RHBDL2: variants seen among roughly 807,000 people sequenced by gnomAD.
RHBDL2 encodes the protein rhomboid-related protein 2.
RHBDL2 carries 26 observed loss-of-function variants against 31.7 expected under a neutral mutation model. That is an observed-to-expected ratio of 0.82 (90% CI 0.60 to 1.14). The LOEUF is 1.14. RHBDL2 is among the 50% of genes most tolerant of loss of function. RHBDL2 has a pLI of 0.00. For missense variants in RHBDL2, 336 were observed against 364.4 expected (o/e 0.92, Z 0.63); for synonymous variants, 123 against 127.2 (o/e 0.97, Z 0.22).
chr1:38,935,939 G>T (rs961342912), intron 1 of RHBDL2, among the ~76,000 whole-genome samples: 1 of 152,038 alleles, frequency 6.6e-6, no homozygotes, highest in Non-Finnish European at 1.5e-5. Flanking sequence ...TTGAGACAGG[G>T]TCTTGCTTTG....
At chr1:38,933,341 C>A (rs1328212204) in intron 1 of RHBDL2, among the ~76,000 whole-genome samples, 2 of 152,150 alleles carry the variant, frequency 1.3e-5, no homozygotes, top group Admixed American at 1.3e-4. Context: ...GGAAGTCTCC[C>A]CTGCCCATGC....
intron 1 of RHBDL2, chr1:38,926,162 G>A: frequency 9.3e-7 from 1 of 1,078,564 alleles, no homozygotes; most frequent in Non-Finnish European, 1.1e-6. Context: ...CCAATCAGCT[G>A]CATTTGCTTA....
intron 5 of RHBDL2, among the ~76,000 whole-genome samples, chr1:38,895,559 T>A (rs1005488154): frequency 9.2e-5 from 14 of 152,188 alleles, no homozygotes; most frequent in African/African-American, 2.9e-4. Flanking sequence ...ATCCCAGCAC[T>A]TTGGGAGGCC....
chr1:38,940,829 G>A (rs993597299), intron 1 of RHBDL2, among the ~76,000 whole-genome samples: 3 of 152,138 alleles, frequency 2.0e-5, no homozygotes, highest in Admixed American at 1.3e-4. Context: ...ACAGGAGTTT[G>A]AAGTTGTAGT....
chr1:38,938,827 T>C (rs894476992), intron 1 of RHBDL2, among the ~76,000 whole-genome samples: 2 of 152,206 alleles, frequency 1.3e-5, no homozygotes, highest in Non-Finnish European at 2.9e-5. Flanking sequence ...GTCTTCTTTG[T>C]ATTATAACTG....
chr1:38,913,522 T>A (rs1643185476), intron 3 of RHBDL2: 1 of 129,650 alleles, frequency 7.7e-6, no homozygotes, highest in Admixed American at 7.5e-5. Context: ...TATTTTTAAC[T>A]TTTTTTTTTT....
Position 38,919,144 on chromosome 1 carries a change from C to T in RHBDL2, c.69G>A (p.Glu23=). The part of the protein sequence containing the change: ...NLNMGREMKE[E]LEEEEKMRED... Reference sequence around the variant, plus strand: ...CTCTCATTTTCTCCTCTTCCTCCAGCTCTTCTTTCATCTCTCTCCCCATAT... The same window carrying T: ...CTCTCATTTTCTCCTCTTCCTCCAGTTCTTCTTTCATCTCTCTCCCCATAT... Residue 23 remains glutamate, a synonymous_variant, in exon 2 of 8, where the codon GAG becomes GAA. Coordinates refer to ENST00000372990, the MANE Select transcript of RHBDL2 (RefSeq NM_017821.5). 6.2e-7 allele frequency: 1 copy of T among 1,614,148 alleles called. No individual in the cohort carries two copies. Among genetic ancestry groups the T allele is most frequent in the Non-Finnish European group, 8.5e-7 (1 of 1,180,036 alleles).
At chr1:38,933,664 T>A (rs2124354611) in intron 1 of RHBDL2, among the ~76,000 whole-genome samples, 1 of 151,222 alleles carries the variant, frequency 6.6e-6, no homozygotes, top group East Asian at 1.9e-4. Context: ...AGAAACTTCA[T>A]CCCCACCAGC....
At position 38,939,869 on chromosome 1, in the gene RHBDL2, G is replaced by A. The variant is rs34638255; in HGVS notation, c.-126+1813C>T. On this transcript the variant is annotated intron_variant, in intron 1 of 7. Transcript: ENST00000372990. ...GGACTTCTTTTTTTTTTGAGACAGG[G>A]TCTCGCTTGTTGCCCAGGCTGGCTT... 7.1e-3 allele frequency among the ~76,000 whole-genome samples: 1,082 copies of A among 152,000 alleles called. 8 individuals carry two copies. Among genetic ancestry groups the A allele is most frequent in the Non-Finnish European group, 9.5e-3 (648 of 67,972 alleles).
intron 3 of RHBDL2, among the ~76,000 whole-genome samples, chr1:38,912,910 A>ATATATGTGTG (rs1399583863): frequency 2.4e-5 from 1 of 41,390 alleles, no homozygotes; most frequent in African/African-American, 9.2e-5. Flanking sequence ...ATATATATAT[A>ATATATGTGTG]TGTGTGTGTG....
intron 4 of RHBDL2, among the ~76,000 whole-genome samples, chr1:38,906,470 C>T (rs1054978862): frequency 1.3e-5 from 2 of 151,902 alleles, no homozygotes; most frequent in African/African-American, 2.4e-5. Context: ...GTCAGGAGAT[C>T]GAGACCATCC....
chr1:38,886,643 A>T lies in RHBDL2; in HGVS notation c.773T>A (p.Met258Lys), dbSNP rs1570908309. 6.3e-7 allele frequency: 1 copy of T among 1,576,528 alleles called. No individual in the cohort carries two copies. The highest frequency in any genetic ancestry group is 1.2e-5 in the South Asian group (1 of 85,066). ...AAHIAGGFAG[M>K]SIGYTVFSCF... is the part of the protein sequence containing the mutation. ...GCTAAACACCGTGTAGCCAATGGAC[A>T]TTCCAGCAAATCCACCTGCAATGTG... is the stretch of plus-strand genomic sequence containing the variant. Residue 258 changes from methionine (M) to lysine (K), a missense_variant, in exon 8 of 8, where the codon ATG becomes AAG. Transcript: ENST00000372990.
chr1:38,935,289 C>A (rs914067777), intron 1 of RHBDL2, among the ~76,000 whole-genome samples: 1 of 152,192 alleles, frequency 6.6e-6, no homozygotes, highest in African/African-American at 2.4e-5. Flanking sequence ...AATTTGCATC[C>A]CCATGACAAC....
In RHBDL2 at chr1:38,918,982, G is replaced by A. The variant is rs1180699396; in HGVS notation, c.231C>T (p.Ser77=). The part of the protein sequence containing the change: ...NCFPPPVFII[S]ISLAELAVFI... ...CCCCATTCACCTCGGCCAGGCTGATGGAGATGATGAACACGGGAGGCGGGA... is the reference window on the plus strand; with the variant it reads ...CCCCATTCACCTCGGCCAGGCTGATAGAGATGATGAACACGGGAGGCGGGA... Residue 77 remains serine, a synonymous_variant, in exon 2 of 8, where the codon TCC becomes TCT. Coordinates refer to ENST00000372990, the MANE Select transcript of RHBDL2 (RefSeq NM_017821.5). The A allele has an allele frequency of 3.7e-6, 6 of 1,613,288 alleles. No individual in the cohort carries two copies. The African/African-American group carries it at 8.0e-5, about 22-fold the overall frequency.
At position 38,934,335 on chromosome 1, in the gene RHBDL2, A is replaced by G. The variant is rs555168035; in HGVS notation, c.-126+7347T>C. On this transcript the variant is annotated intron_variant, in intron 1 of 7. Transcript: ENST00000372990. ...TGCACTCCAGCCTGGATGACAGAGC[A>G]AGACTGTCTCAAAAATAAATAAATA... Among the ~76,000 whole-genome samples the G allele has an allele frequency of 5.0e-4, 76 of 151,270 alleles. 1 individual carries two copies. Among genetic ancestry groups the G allele is most frequent in the Middle Eastern group, 3.4e-3 (1 of 294 alleles).
chr1:38,919,854 G>T (rs1333410045), intron 1 of RHBDL2, among the ~76,000 whole-genome samples: 1 of 152,056 alleles, frequency 6.6e-6, no homozygotes, highest in South Asian at 2.1e-4. Flanking sequence ...GATTACAGGC[G>T]TGAGCCACCG....
intron 5 of RHBDL2, 94 bp from the exon 6 acceptor site, chr1:38,893,318 A>T: frequency 1.7e-6 from 1 of 594,264 alleles, no homozygotes; most frequent in Non-Finnish European, 3.0e-6. Flanking sequence ...ATTTGAAATA[A>T]TCTTCCAGTA....
At position 38,919,079 on chromosome 1, in the gene RHBDL2, AC is replaced by A; in HGVS notation, c.133del (p.Val45SerfsTer123). 6.2e-7 allele frequency: 1 copy of A among 1,613,904 alleles called. No homozygotes were observed. Among genetic ancestry groups the A allele is most frequent in the Non-Finnish European group, 8.5e-7 (1 of 1,179,982 alleles). On this transcript the variant is annotated frameshift_variant, in exon 2 of 8. Coordinates refer to ENST00000372990, the MANE Select transcript of RHBDL2 (RefSeq NM_017821.5). LOFTEE classifies it high-confidence loss of function. Reference protein sequence around the residue: ...GGKDRAKSKKVHRIVSKWMLP... With the variant: ...GGKDRAKSKKXHRIVSKWMLP... The stretch of plus-strand genomic sequence containing the variant: ...CATCCATTTTGAGACAATCCTGTGG[AC>A]CTTTTTACTCTTGGCCCGATCTTTA...
chr1:38,916,112 G>A lies in RHBDL2; in HGVS notation c.247-402C>T, dbSNP rs191550169. Reference sequence around the variant, plus strand: ...GCTGGCTTCCGAATAATAGAGCAGGGAAAGGGAAAAATAGTCACTTGCCAG... The same window carrying A: ...GCTGGCTTCCGAATAATAGAGCAGGAAAAGGGAAAAATAGTCACTTGCCAG... On this transcript the variant is annotated intron_variant, in intron 2 of 7. Transcript: ENST00000372990. Among the ~76,000 whole-genome samples, 330 of 152,306 alleles carry A rather than the reference G, an allele frequency of 2.2e-3. 3 individuals are homozygous for A. Among genetic ancestry groups the A allele is most frequent in the African/African-American group, 7.2e-3 (301 of 41,560 alleles).
Sources: gnomAD v4.1 joint callset for allele counts (sites outside exome capture counted in the v4.1 genomes callset) on GRCh38, gnomAD v4.1.1 for gene constraint, MANE v1.5 for transcripts, NCBI Gene and HGNC (gene_info 2026-07-23, HGNC 2026-07-21) for gene names.